CSMD1: variants seen among roughly 807,000 people sequenced by gnomAD.
CSMD1 encodes CUB and sushi domain-containing protein 1.
CSMD1 carries 213 observed loss-of-function variants against 417.5 expected under a neutral mutation model. The observed-to-expected ratio is 0.51, with a 90% CI of 0.46 to 0.57. The LOEUF (loss-of-function observed/expected upper bound fraction) is 0.57, where lower values mean the gene tolerates loss of function less well. CSMD1 is among the 20% of genes least tolerant of loss of function. The pLI is 0.00. For synonymous variants in CSMD1, 2,862 were observed against 1,736.8 expected (o/e 1.65, Z -16.11); for missense variants, 6,923 against 4,529.7 (o/e 1.53, Z -15.17).
intron 5 of CSMD1, among the ~76,000 whole-genome samples, chr8:3,837,509 A>G (rs991270448): frequency 6.6e-5 from 10 of 152,160 alleles, no homozygotes; most frequent in African/African-American, 2.4e-4. Context: ...TGAGATCCTG[A>G]GGATGCAGAG....
chr8:4,947,962 T>G (rs1808477831), intron 1 of CSMD1, among the ~76,000 whole-genome samples: 1 of 152,084 alleles, frequency 6.6e-6, no homozygotes, highest in Admixed American at 6.6e-5. Context: ...TGTTTTCTTT[T>G]TTTAAGATAT....
At chr8:3,581,084 A>G (rs1333492709) in intron 9 of CSMD1, among the ~76,000 whole-genome samples, 3 of 152,198 alleles carry the variant, frequency 2.0e-5, no homozygotes, top group Non-Finnish European at 4.4e-5. Flanking sequence ...AACTCAAAAT[A>G]TTAACTCTAC....
chr8:3,496,042 C>T (rs759488967), intron 10 of CSMD1, among the ~76,000 whole-genome samples: 24 of 152,156 alleles, frequency 1.6e-4, no homozygotes, highest in Non-Finnish European at 3.2e-4. Flanking sequence ...TAGCTCTTTT[C>T]CCTGAAGCTT....
At chr8:3,772,069 C>T (rs546394241) in intron 5 of CSMD1, among the ~76,000 whole-genome samples, 79 of 151,418 alleles carry the variant, frequency 5.2e-4, no homozygotes, top group Admixed American at 2.6e-3. Flanking sequence ...TGCCATTATG[C>T]TACCAATCCA....
At chr8:3,254,362 C>T (rs780372278) in intron 26 of CSMD1, among the ~76,000 whole-genome samples, 1 of 152,060 alleles carries the variant, frequency 6.6e-6, no homozygotes, top group Non-Finnish European at 1.5e-5. Context: ...CTTAGAGTTA[C>T]TCTTCTCGAG....
intron 3 of CSMD1, among the ~76,000 whole-genome samples, chr8:4,298,766 C>T (rs1405945395): frequency 6.6e-6 from 1 of 151,888 alleles, no homozygotes; most frequent in Non-Finnish European, 1.5e-5. Flanking sequence ...GATATTTGTG[C>T]TTTTGAATAA....
chr8:4,712,285 C>A (rs1230672613), intron 1 of CSMD1, among the ~76,000 whole-genome samples: 3 of 152,178 alleles, frequency 2.0e-5, no homozygotes, highest in African/African-American at 7.2e-5. Flanking sequence ...TGAGAGTACA[C>A]TTCAGTGTGG....
rs558837700 is a variant in CSMD1 at position 3,757,066 on chromosome 8, G to T, written c.819-3024C>A. On this transcript the variant is annotated intron_variant, in intron 5 of 69. Transcript: ENST00000635120. ...AATCCTCTCACCTTTGCCTCTCAGAGTGCTGGGATTACAGGCGTGAACCAC... is the reference window on the plus strand; with the variant it reads ...AATCCTCTCACCTTTGCCTCTCAGATTGCTGGGATTACAGGCGTGAACCAC... 1.2e-3 allele frequency among the ~76,000 whole-genome samples: 188 copies of T among 152,302 alleles called. 1 individual carries two copies. The highest frequency in any genetic ancestry group is 4.5e-3 in the Admixed American group (69 of 15,298).
At chr8:4,279,908 A>C (rs931161949) in intron 3 of CSMD1, among the ~76,000 whole-genome samples, 4 of 152,196 alleles carry the variant, frequency 2.6e-5, no homozygotes, top group Non-Finnish European at 5.9e-5. Flanking sequence ...TGTGTTCTAT[A>C]CATTTTTTAT....
intron 10 of CSMD1, among the ~76,000 whole-genome samples, chr8:3,566,849 C>T (rs1375465521): frequency 6.6e-6 from 1 of 152,106 alleles, no homozygotes; most frequent in East Asian, 1.9e-4. Context: ...ACTAGGTTAA[C>T]CTTTGTGGAA....
intron 5 of CSMD1, 141 bp downstream of exon 5, chr8:3,997,762 G>C (rs1438739521): frequency 8.5e-6 from 6 of 709,416 alleles, no homozygotes; most frequent in African/African-American, 3.6e-5. Flanking sequence ...AACTTTTCCA[G>C]AGCCAAAAGA....
chr8:4,641,641 C>T (rs1333002861), intron 1 of CSMD1, among the ~76,000 whole-genome samples: 1 of 152,290 alleles, frequency 6.6e-6, no homozygotes, highest in Admixed American at 6.5e-5. Flanking sequence ...AGCCGTCCCA[C>T]CAAACCCAGT....
chr8:3,892,616 C>G (rs1350901650), intron 5 of CSMD1, among the ~76,000 whole-genome samples: 2 of 151,660 alleles, frequency 1.3e-5, no homozygotes, highest in East Asian at 1.9e-4. Context: ...TACTTTCACT[C>G]TGGTGCACGT....
chr8:3,398,014 G>C (rs562399238), intron 16 of CSMD1, among the ~76,000 whole-genome samples: 24 of 152,138 alleles, frequency 1.6e-4, no homozygotes, highest in African/African-American at 5.5e-4. Context: ...AGAAATATCG[G>C]GTATTTCCAA....
intron 37 of CSMD1, among the ~76,000 whole-genome samples, chr8:3,180,891 A>G (rs1373565786): frequency 6.6e-6 from 1 of 151,794 alleles, no homozygotes; most frequent in Non-Finnish European, 1.5e-5. Flanking sequence ...TGATCCGCCC[A>G]CCTCTTCCTC....
intron 5 of CSMD1, among the ~76,000 whole-genome samples, chr8:3,941,776 G>C (rs1245951525): frequency 6.6e-6 from 1 of 152,080 alleles, no homozygotes; most frequent in Non-Finnish European, 1.5e-5. Context: ...ACAATTCTTT[G>C]ATTCCAATTT....
In CSMD1 at chr8:3,018,503, C is replaced by T; in HGVS notation, c.8003G>A (p.Trp2668Ter). 1.2e-6 allele frequency: 2 copies of T among 1,613,464 alleles called. No individual in the cohort carries two copies. The highest frequency in any genetic ancestry group is 1.7e-6 in the Non-Finnish European group (2 of 1,179,670). Residue 2668 changes from tryptophan (W) to a stop codon, truncating the protein, a stop_gained, in exon 52 of 70, where the codon TGG becomes TAG. Coordinates refer to ENST00000635120, the MANE Select transcript of CSMD1 (RefSeq NM_033225.6). LOFTEE classifies it high-confidence loss of function. ...HVRECLANGLWSGSETRCLAG... is the reference protein window; with the variant it reads ...HVRECLANGL ...CAGACATCGAGTTTCGCTGCCGCTC[C>T]AGAGCCCATTTGCCAAGCACTCTCT...
intron 3 of CSMD1, among the ~76,000 whole-genome samples, chr8:4,287,166 T>G (rs890600427): frequency 7.2e-5 from 11 of 152,206 alleles, no homozygotes; most frequent in Non-Finnish European, 1.3e-4. Context: ...ACAGATTCTG[T>G]GTAATTTAGA....
chr8:4,326,521 G>A (rs1178500325), intron 3 of CSMD1, among the ~76,000 whole-genome samples: 2 of 152,192 alleles, frequency 1.3e-5, no homozygotes, highest in Non-Finnish European at 2.9e-5. Context: ...ACGAGAGGTA[G>A]TGCATAATGA....
Sources: gnomAD v4.1 joint callset for allele counts (sites outside exome capture counted in the v4.1 genomes callset) on GRCh38, gnomAD v4.1.1 for gene constraint, MANE v1.5 for transcripts, NCBI Gene and HGNC (gene_info 2026-07-23, HGNC 2026-07-21) for gene names.